RAPGEF2: variants seen among roughly 807,000 people sequenced by gnomAD.
The protein encoded by RAPGEF2 is PDZ domain containing guanine nucleotide exchange factor (GEF) 1.
Under a neutral mutation model 186.7 loss-of-function variants are expected in RAPGEF2, and 54 were observed. The ratio of observed to expected loss-of-function variants is 0.29; its 90% CI spans 0.23 to 0.36. The LOEUF is 0.36. RAPGEF2 is among the 10% of genes least tolerant of loss of function. RAPGEF2 has a pLI of 1.00. For synonymous variants in RAPGEF2, 712 were observed against 705.9 expected (o/e 1.01, Z -0.14); for missense variants, 1,532 against 2,045.0 (o/e 0.75, Z 4.84).
At chr4:159,241,800 C>T (rs1432606975) in intron 6 of RAPGEF2, among the ~76,000 whole-genome samples, 1 of 151,970 alleles carries the variant, frequency 6.6e-6, no homozygotes, top group African/African-American at 2.4e-5. Flanking sequence ...TCACTCCCAA[C>T]CCAAATGACT....
At chr4:159,131,253 G>A (rs1022873230) in intron 1 of RAPGEF2, among the ~76,000 whole-genome samples, 1 of 152,106 alleles carries the variant, frequency 6.6e-6, no homozygotes, top group African/African-American at 2.4e-5. Flanking sequence ...TGGGATTACA[G>A]GCATATGCCA....
intron 3 of RAPGEF2, among the ~76,000 whole-genome samples, chr4:159,197,891 C>T (rs749242840): frequency 6.6e-6 from 1 of 152,170 alleles, no homozygotes; most frequent in Non-Finnish European, 1.5e-5. Context: ...ACTCCTGTCT[C>T]TAGGAGGAAG....
At chr4:159,314,912 G>T in intron 9 of RAPGEF2, 144 bp downstream of exon 9, 1 of 772,882 alleles carries the variant, frequency 1.3e-6, no homozygotes, top group East Asian at 3.2e-5. Context: ...AGTATTTGTT[G>T]GACAAAAATT....
chr4:159,343,284 A>G lies in RAPGEF2; in HGVS notation c.3134A>G (p.Asn1045Ser). ...TTTCCTCCTCTGTCAATTTCAGGAA[A>G]TGACTCAAAAGTAGACGGGCTGGTC... ...KKDLTFLHEG[N>S]DSKVDGLVNF... The change falls in exon 22 of 30, where the codon AAT (asparagine) becomes AGT (serine). Residue 1045 changes from asparagine (N) to serine (S), a missense_variant. Asn to Ser is a conservative substitution (Grantham distance 46). This residue lies in a region of RAPGEF2 where 117 missense variants were observed against 180.8 expected (regional missense o/e 0.65). Transcript: ENST00000691494. 6.2e-7 allele frequency: 1 copy of G among 1,614,070 alleles called. No individual in the cohort carries two copies. The highest frequency in any genetic ancestry group is 8.5e-7 in the Non-Finnish European group (1 of 1,179,946).
At chr4:159,164,556 A>C (rs1401836466) in intron 1 of RAPGEF2, among the ~76,000 whole-genome samples, 2 of 152,178 alleles carry the variant, frequency 1.3e-5, no homozygotes, top group Non-Finnish European at 2.9e-5. Context: ...AATTATCTAC[A>C]TGTGAAATTT....
At chr4:159,302,358 T>C (rs1762773010) in intron 7 of RAPGEF2, among the ~76,000 whole-genome samples, 1 of 152,192 alleles carries the variant, frequency 6.6e-6, no homozygotes, top group Non-Finnish European at 1.5e-5. Flanking sequence ...AAAATCACAC[T>C]ATGTTGCATG....
At chr4:159,248,495 G>T (rs1402266419) in intron 7 of RAPGEF2, among the ~76,000 whole-genome samples, 1 of 152,074 alleles carries the variant, frequency 6.6e-6, no homozygotes, top group Non-Finnish European at 1.5e-5. Flanking sequence ...AAATTATGTT[G>T]CATTTTAACA....
At chr4:159,200,914 A>G (rs1339205995) in intron 3 of RAPGEF2, among the ~76,000 whole-genome samples, 2 of 152,158 alleles carry the variant, frequency 1.3e-5, no homozygotes, top group Non-Finnish European at 2.9e-5. Flanking sequence ...ATTTACATAT[A>G]ACTCAGTATT....
In RAPGEF2 at chr4:159,258,708, C is replaced by T. The variant is rs146751594; in HGVS notation, c.543+14917C>T. Among the ~76,000 whole-genome samples the T allele has an allele frequency of 4.5e-3, 686 of 152,196 alleles. 4 individuals are homozygous for T. The highest frequency in any genetic ancestry group is 0.016 in the African/African-American group (645 of 41,526). On this transcript the variant is annotated intron_variant, in intron 7 of 29. Coordinates refer to ENST00000691494, the MANE Select transcript of RAPGEF2 (RefSeq NM_001394067.2). The stretch of plus-strand genomic sequence containing the variant: ...ATGAAAGCAGATAGTATCTTTATGC[C>T]ATTGTGTATATCCTTTGCACAACAG...
intron 28 of RAPGEF2, among the ~76,000 whole-genome samples, 185 bp downstream of exon 28, chr4:159,354,231 G>C (rs1462622529): frequency 6.6e-6 from 1 of 152,122 alleles, no homozygotes; most frequent in African/African-American, 2.4e-5. Context: ...CAGGTTTTGT[G>C]GTCAGGTACC....
chr4:159,260,376 C>T (rs1007127847), intron 7 of RAPGEF2, among the ~76,000 whole-genome samples: 52 of 151,896 alleles, frequency 3.4e-4, no homozygotes, highest in African/African-American at 1.3e-3. Context: ...GGAGTTATTA[C>T]GAGGAAATCT....
chr4:159,326,877 A>C (rs1233047895), intron 11 of RAPGEF2: 1 of 152,182 alleles, frequency 6.6e-6, no homozygotes, highest in Non-Finnish European at 1.5e-5. Context: ...ACACCCAGGC[A>C]TTGCTTAGCC....
intron 7 of RAPGEF2, among the ~76,000 whole-genome samples, chr4:159,288,418 A>G (rs1760777386): frequency 6.6e-6 from 1 of 152,178 alleles, no homozygotes; most frequent in Non-Finnish European, 1.5e-5. Flanking sequence ...AGGCTTCTCT[A>G]AAGTACCTTC....
intron 1 of RAPGEF2, among the ~76,000 whole-genome samples, chr4:159,154,530 A>G (rs1245625942): frequency 1.3e-5 from 2 of 151,398 alleles, no homozygotes; most frequent in African/African-American, 2.4e-5. Context: ...AAAAAAAACA[A>G]CCACCAAAAA....
chr4:159,189,775 T>TGTC (rs57457443), intron 2 of RAPGEF2, among the ~76,000 whole-genome samples: 2,682 of 152,336 alleles, frequency 0.018, 93 homozygotes, highest in African/African-American at 0.061. Context: ...GACATTTTCA[T>TGTC]ATAAGAGATT....
intron 1 of RAPGEF2, among the ~76,000 whole-genome samples, chr4:159,113,484 T>TA (rs1242850246): frequency 2.6e-5 from 4 of 152,218 alleles, no homozygotes; most frequent in Admixed American, 6.5e-5. Flanking sequence ...CTCACTCCTG[T>TA]AATCCCTGCA....
chr4:159,145,628 A>G (rs1025412806), intron 1 of RAPGEF2, among the ~76,000 whole-genome samples: 9 of 152,230 alleles, frequency 5.9e-5, no homozygotes, highest in African/African-American at 2.2e-4. Flanking sequence ...ACGTATGTTC[A>G]CCAGGACCAG....
chr4:159,330,227 A>G (rs1263982436), intron 12 of RAPGEF2, 107 bp from the exon 13 acceptor site: 3 of 871,794 alleles, frequency 3.4e-6, no homozygotes, highest in Non-Finnish European at 5.2e-6. Context: ...AAATCCCAGT[A>G]CCATATAAAT....
intron 8 of RAPGEF2, among the ~76,000 whole-genome samples, chr4:159,311,837 C>T (rs191005568): frequency 4.1e-4 from 62 of 152,186 alleles, no homozygotes; most frequent in African/African-American, 1.4e-3. Flanking sequence ...TTGTTTATCA[C>T]GTTCTTTTAA....
Sources: allele counts gnomAD v4.1 joint callset (sites outside exome capture counted in the v4.1 genomes callset), GRCh38; gene constraint gnomAD v4.1.1; regional missense constraint gnomAD v4.1.1; transcripts MANE v1.5; gene names NCBI Gene and HGNC (gene_info 2026-07-23, HGNC 2026-07-21).